Variants in FAF1 observed in about 807,000 individuals in gnomAD.
FAF1 encodes the protein FAS-associated factor 1.
A neutral mutation model predicts 92.5 loss-of-function variants in FAF1; 25 were observed. The ratio of observed to expected loss-of-function variants is 0.27; its 90% CI spans 0.20 to 0.38. The LOEUF is 0.38. Ranked by LOEUF, FAF1 falls within the 10% of genes least tolerant of loss-of-function variation. The pLI is 1.00. For missense variants in FAF1, 636 were observed against 793.3 expected (o/e 0.80, Z 2.38); for synonymous variants, 234 against 273.2 (o/e 0.86, Z 1.42).
At chr1:50,591,621 C>T (rs1651513082) in intron 9 of FAF1, among the ~76,000 whole-genome samples, 1 of 149,698 alleles carries the variant, frequency 6.7e-6, no homozygotes, top group South Asian at 2.1e-4. Flanking sequence ...TGCAGTGAGC[C>T]GAGATCGCAC....
intron 4 of FAF1, among the ~76,000 whole-genome samples, chr1:50,766,735 C>A (rs1417705052): frequency 7.5e-6 from 1 of 133,340 alleles, no homozygotes; most frequent in Non-Finnish European, 1.6e-5. Context: ...CCTTATACCA[C>A]AATCAAACCC....
intron 14 of FAF1, among the ~76,000 whole-genome samples, chr1:50,539,240 C>T (rs372527083): frequency 1.3e-5 from 2 of 152,154 alleles, no homozygotes; most frequent in South Asian, 4.1e-4. Flanking sequence ...AAGATAAGTA[C>T]TTCTTCCAAT....
At chr1:50,505,640 C>G (rs777469594) in intron 15 of FAF1, among the ~76,000 whole-genome samples, 3 of 152,254 alleles carry the variant, frequency 2.0e-5, no homozygotes, top group Non-Finnish European at 2.9e-5. Context: ...GTAAATAAAA[C>G]TTTATTGAAA....
intron 4 of FAF1, among the ~76,000 whole-genome samples, chr1:50,749,004 TTAAC>T (rs1169481958): frequency 1.3e-5 from 2 of 152,188 alleles, no homozygotes; most frequent in African/African-American, 4.8e-5. Flanking sequence ...TGGATAGTGA[TTAAC>T]TATCATAAAA....
At chr1:50,531,238 G>A (rs565773763) in intron 15 of FAF1, among the ~76,000 whole-genome samples, 2 of 152,202 alleles carry the variant, frequency 1.3e-5, no homozygotes, top group Non-Finnish European at 1.5e-5. Flanking sequence ...GATAATTACC[G>A]AGCTATTGTT....
chr1:50,949,930 T>C (rs1645201262), intron 1 of FAF1, among the ~76,000 whole-genome samples: 1 of 152,074 alleles, frequency 6.6e-6, no homozygotes, highest in African/African-American at 2.4e-5. Flanking sequence ...GGTGCAATCA[T>C]ATCCTCTTAC....
intron 17 of FAF1, among the ~76,000 whole-genome samples, chr1:50,488,696 T>C (rs1646795633): frequency 6.6e-6 from 1 of 152,210 alleles, no homozygotes. Flanking sequence ...CATAAAGTCC[T>C]GGATGAGAAT....
At chr1:50,693,676 G>A (rs1017387537) in intron 7 of FAF1, among the ~76,000 whole-genome samples, 1 of 151,510 alleles carries the variant, frequency 6.6e-6, no homozygotes, top group African/African-American at 2.4e-5. Flanking sequence ...CAAACACCAC[G>A]GCAACAGAAA....
At position 50,788,011 on chromosome 1, in the gene FAF1, G is replaced by C. The variant is rs2124573170; in HGVS notation, c.356C>G (p.Thr119Ser). 1 of 1,613,372 alleles carries C rather than the reference G, an allele frequency of 6.2e-7. No homozygotes were observed. Among genetic ancestry groups the C allele is most frequent in the Non-Finnish European group, 8.5e-7 (1 of 1,179,382 alleles). Residue 119 changes from threonine to serine, a missense_variant, in exon 4 of 19, where the codon ACC (threonine) becomes AGC (serine). Thr to Ser is a moderately conservative substitution (Grantham distance 58). This residue lies in a region of FAF1 where 317 missense variants were observed against 342.4 expected (regional missense o/e 0.93). Coordinates refer to ENST00000396153, the MANE Select transcript of FAF1 (RefSeq NM_007051.3). ...DRNVDVVLED[T>S]CTVGEIKQIL... ...AGGAAAAACCTTACCAACAGTACAG[G>C]TGTCTTCAAGTACCACATCAACATT...
chr1:50,644,142 T>TA, intron 8 of FAF1, among the ~76,000 whole-genome samples: 1 of 152,326 alleles, frequency 6.6e-6, no homozygotes, highest in Admixed American at 6.5e-5. Context: ...ACTTTGTTTT[T>TA]AGAGGCAGTT....
intron 7 of FAF1, among the ~76,000 whole-genome samples, chr1:50,694,066 CAT>C (rs1341533913): frequency 1.3e-5 from 2 of 150,344 alleles, no homozygotes; most frequent in African/African-American, 5.0e-5. Context: ...ATATATATGA[CAT>C]ATACATGACA....
At chr1:50,540,631 G>T (rs564256604) in intron 13 of FAF1, among the ~76,000 whole-genome samples, 1 of 152,246 alleles carries the variant, frequency 6.6e-6, no homozygotes, top group East Asian at 1.9e-4. Flanking sequence ...AACTGATAAA[G>T]CTTTTCTCTT....
At chr1:50,457,845 A>G (rs1295592075) in intron 18 of FAF1, among the ~76,000 whole-genome samples, 1 of 147,774 alleles carries the variant, frequency 6.8e-6, no homozygotes, top group African/African-American at 2.5e-5. Context: ...AGCCTGGGTG[A>G]CAGAGTAAGA....
chr1:50,698,445 A>G (rs1215538281), intron 7 of FAF1, among the ~76,000 whole-genome samples: 1 of 152,180 alleles, frequency 6.6e-6, no homozygotes, highest in Non-Finnish European at 1.5e-5. Context: ...AGCCCCATCT[A>G]AGTAAGTGAC....
intron 6 of FAF1, among the ~76,000 whole-genome samples, chr1:50,713,953 A>T (rs994965335): frequency 1.3e-4 from 19 of 150,466 alleles, no homozygotes; most frequent in African/African-American, 2.2e-4. Flanking sequence ...TTGTATTTTT[A>T]GTTGAGACGG....
chr1:50,754,854 G>C (rs934786771), intron 4 of FAF1, among the ~76,000 whole-genome samples: 1 of 152,146 alleles, frequency 6.6e-6, no homozygotes, highest in Non-Finnish European at 1.5e-5. Context: ...AGCAAGCAGA[G>C]AGAGGTTGTG....
chr1:50,692,018 C>T (rs1209462777), intron 7 of FAF1, among the ~76,000 whole-genome samples: 6 of 152,068 alleles, frequency 3.9e-5, no homozygotes. Flanking sequence ...GTGTATCAGA[C>T]CAGCCTGGGC....
chr1:50,890,587 T>G (rs922760988), intron 1 of FAF1, among the ~76,000 whole-genome samples: 1 of 152,234 alleles, frequency 6.6e-6, no homozygotes, highest in Non-Finnish European at 1.5e-5. Context: ...CATTTGCTTG[T>G]CTATAAAGGA....
In FAF1 at chr1:50,539,667, T is replaced by C. The variant is rs745872714; in HGVS notation, c.1330A>G (p.Lys444Glu). ...AGGAAAAGCGGAAACTGATCCGTTT[T>C]TTGAGTCCGAATGGTTTGTGCCACA... ...SVVAQTIRTQ[K>E]TDQFPLFLII... is the part of the protein sequence containing the mutation. The change falls in exon 14 of 19, where the codon AAA becomes GAA. Residue 444 changes from lysine to glutamate, a missense_variant. This residue lies in a region of FAF1 where 319 missense variants were observed against 451.0 expected (regional missense o/e 0.71). Transcript: ENST00000396153. 7.4e-6 allele frequency: 12 copies of C among 1,612,620 alleles called. No individual in the cohort carries two copies. Among genetic ancestry groups the C allele is most frequent in the African/African-American group, 2.7e-5 (2 of 74,910 alleles).
Sources: gnomAD v4.1 joint callset for allele counts (sites outside exome capture counted in the v4.1 genomes callset) on GRCh38, gnomAD v4.1.1 for gene constraint, gnomAD v4.1.1 regional missense constraint, MANE v1.5 for transcripts, NCBI Gene and HGNC (gene_info 2026-07-23, HGNC 2026-07-21) for gene names.